KSR2: variants seen among roughly 807,000 people sequenced by gnomAD.
KSR2 encodes kinase suppressor of ras 2.
In KSR2, 25 loss-of-function variants were observed where a neutral mutation model predicts 107.8. The ratio of observed to expected loss-of-function variants is 0.23; its 90% CI spans 0.17 to 0.32. KSR2 has a LOEUF of 0.32. Among genes scored for constraint, KSR2 ranks in the 10% least tolerant of loss-of-function variants. The pLI, the probability that KSR2 is intolerant of heterozygous loss-of-function variation, is 1.00. For synonymous variants in KSR2, 480 were observed against 507.0 expected, an observed-to-expected ratio of 0.95 and a Z score of 0.71; for missense variants, 887 against 1,268.9, an observed-to-expected ratio of 0.70 and a Z score of 4.57.
chr12:117,530,378 C>T (rs970191149), intron 12 of KSR2, among the ~76,000 whole-genome samples: 3 of 152,128 alleles, frequency 2.0e-5, no homozygotes, highest in Non-Finnish European at 4.4e-5. Context: ...GTTACAACTA[C>T]TCGATTCTGC....
intron 14 of KSR2, among the ~76,000 whole-genome samples, chr12:117,503,105 A>C (rs543159847): frequency 6.6e-6 from 1 of 152,196 alleles, no homozygotes; most frequent in African/African-American, 2.4e-5. Context: ...GAGGGGAGAG[A>C]ACTTATTAGG....
At chr12:117,618,392 T>C (rs529467790) in intron 5 of KSR2, among the ~76,000 whole-genome samples, 81 of 152,148 alleles carry the variant, frequency 5.3e-4, no homozygotes, top group Middle Eastern at 3.4e-3. Flanking sequence ...GAAGTTCTAT[T>C]CAGCTTCTTA....
chr12:117,597,531 C>T (rs1178006506), intron 5 of KSR2, among the ~76,000 whole-genome samples: 1 of 152,126 alleles, frequency 6.6e-6, no homozygotes, highest in Non-Finnish European at 1.5e-5. Context: ...GAAGCGCTGC[C>T]TCTGGAAGAT....
intron 3 of KSR2, 27 bp downstream of exon 3, chr12:117,855,401 A>G (rs890075370): frequency 9.3e-6 from 15 of 1,613,696 alleles, no homozygotes; most frequent in Non-Finnish European, 1.3e-5. Flanking sequence ...ACAAGTCTCC[A>G]CATCCCCGAC....
intron 5 of KSR2, among the ~76,000 whole-genome samples, chr12:117,634,824 T>C (rs1041650673): frequency 2.0e-5 from 3 of 152,200 alleles, no homozygotes; most frequent in Non-Finnish European, 4.4e-5. Flanking sequence ...CATATTCATC[T>C]TCCTGGGAAA....
At chr12:117,953,134 A>G (rs1896413238) in intron 1 of KSR2, among the ~76,000 whole-genome samples, 2 of 152,204 alleles carry the variant, frequency 1.3e-5, no homozygotes, top group South Asian at 4.1e-4. Context: ...CAAATGCACA[A>G]TGAGATACTA....
chr12:117,695,777 A>T (rs2136594086), intron 4 of KSR2, among the ~76,000 whole-genome samples: 1 of 152,128 alleles, frequency 6.6e-6, no homozygotes, highest in African/African-American at 2.4e-5. Context: ...CAAGGGGATA[A>T]CCCACTCTCT....
chr12:117,837,685 T>C (rs889123850), intron 3 of KSR2, among the ~76,000 whole-genome samples: 1 of 152,104 alleles, frequency 6.6e-6, no homozygotes, highest in Non-Finnish European at 1.5e-5. Flanking sequence ...CATCCTGGTA[T>C]CCGGTTACAA....
At chr12:117,508,433 G>T (rs780692089) in intron 14 of KSR2, among the ~76,000 whole-genome samples, 15 of 152,224 alleles carry the variant, frequency 9.9e-5, no homozygotes, top group Non-Finnish European at 1.8e-4. Flanking sequence ...TGAACAGCTA[G>T]GTGGCTAGAG....
At chr12:117,871,101 G>A (rs912176659) in intron 1 of KSR2, among the ~76,000 whole-genome samples, 5 of 152,164 alleles carry the variant, frequency 3.3e-5, no homozygotes, top group Non-Finnish European at 7.3e-5. Flanking sequence ...TAATGAGCAC[G>A]TTTTATGAAT....
chr12:117,942,760 A>G lies in KSR2; in HGVS notation c.180+25316T>C, dbSNP rs1203763938. On this transcript the variant is annotated intron_variant, in intron 1 of 19. Transcript: ENST00000339824. The stretch of plus-strand genomic sequence containing the variant: ...AGCAATCCTTCCGCCTTGGCCTTCC[A>G]AGGTGCTGGGATTACAGGCATGAAC... 2.6e-5 allele frequency among the ~76,000 whole-genome samples: 4 copies of G among 151,530 alleles called. No individual in the cohort carries two copies. The East Asian group carries it at 7.7e-4, about 29-fold the overall frequency.
intron 1 of KSR2, among the ~76,000 whole-genome samples, chr12:117,941,385 T>A (rs1346428116): frequency 6.6e-6 from 1 of 152,012 alleles, no homozygotes; most frequent in African/African-American, 2.4e-5. Flanking sequence ...AAAAAAATCA[T>A]CTTAAATTAG....
At chr12:117,701,829 T>A (rs1282924280) in intron 4 of KSR2, among the ~76,000 whole-genome samples, 1 of 152,184 alleles carries the variant, frequency 6.6e-6, no homozygotes, top group African/African-American at 2.4e-5. Flanking sequence ...GGAGGCTGCA[T>A]GAGGCAAGGG....
chr12:117,860,464 T>C (rs1566054998), intron 1 of KSR2, 33 bp from the exon 2 acceptor site: 2 of 1,568,496 alleles, frequency 1.3e-6, no homozygotes. Context: ...AGAGGACACA[T>C]CTCAGAGGCA....
chr12:117,911,198 A>T (rs1380181425), intron 1 of KSR2, among the ~76,000 whole-genome samples: 1 of 151,132 alleles, frequency 6.6e-6, no homozygotes, highest in Non-Finnish European at 1.5e-5. Context: ...ACACACACAC[A>T]CTCAAGAAAC....
At chr12:117,764,015 G>A (rs987606110) in intron 3 of KSR2, among the ~76,000 whole-genome samples, 2 of 152,110 alleles carry the variant, frequency 1.3e-5, no homozygotes, top group Admixed American at 6.5e-5. Context: ...TTACTATAAC[G>A]ACTGTAACAA....
intron 3 of KSR2, among the ~76,000 whole-genome samples, chr12:117,822,797 T>G (rs993836853): frequency 6.6e-6 from 1 of 152,154 alleles, no homozygotes; most frequent in Admixed American, 6.6e-5. Context: ...ATTCACAATT[T>G]CAAGGACATT....
At chr12:117,930,053 T>C (rs1307665922) in intron 1 of KSR2, among the ~76,000 whole-genome samples, 1 of 152,110 alleles carries the variant, frequency 6.6e-6, no homozygotes, top group Admixed American at 6.6e-5. Flanking sequence ...AAAAAAAATT[T>C]TTTTTTTTTG....
At chr12:117,499,088 T>C (rs1211628867) in intron 14 of KSR2, among the ~76,000 whole-genome samples, 7 of 152,206 alleles carry the variant, frequency 4.6e-5, no homozygotes, top group East Asian at 1.9e-4. Context: ...AAAGACCAAA[T>C]AGACCACTGG....
Sources: allele counts gnomAD v4.1 joint callset (sites outside exome capture counted in the v4.1 genomes callset), GRCh38; gene constraint gnomAD v4.1.1; transcripts MANE v1.5; gene names NCBI Gene and HGNC (gene_info 2026-07-23, HGNC 2026-07-21).